The following IL20RA variants were observed in gnomAD, a reference collection of about 807,000 sequenced individuals.
IL20RA encodes the protein interleukin 20 receptor subunit alpha.
In IL20RA, 29 loss-of-function variants were observed where a neutral mutation model predicts 36.5. The ratio of observed to expected loss-of-function variants is 0.79; its 90% CI spans 0.59 to 1.08. IL20RA has a LOEUF of 1.08. IL20RA is among the 50% of genes least tolerant of loss of function. IL20RA has a pLI of 0.00. For missense variants in IL20RA, 652 were observed against 668.4 expected, an observed-to-expected ratio of 0.98 and a Z score of 0.27; for synonymous variants, 279 against 267.1, an observed-to-expected ratio of 1.04 and a Z score of -0.43.
intron 3 of IL20RA, among the ~76,000 whole-genome samples, chr6:137,010,736 G>C (rs1024590240): frequency 6.6e-6 from 1 of 152,198 alleles, no homozygotes; most frequent in Non-Finnish European, 1.5e-5. Flanking sequence ...AAGAAGCATA[G>C]TGGATAATCA....
chr6:137,006,205 C>T (rs567538174), intron 5 of IL20RA, among the ~76,000 whole-genome samples: 3 of 152,268 alleles, frequency 2.0e-5, no homozygotes, highest in Admixed American at 1.3e-4. Flanking sequence ...CAGTTGAAAG[C>T]GAAACAGATG....
rs916546344 is a variant in IL20RA, at chr6:137,033,355, G to A, written c.88+11286C>T. On this transcript the variant is annotated intron_variant, in intron 1 of 6. Coordinates refer to ENST00000316649, the MANE Select transcript of IL20RA (RefSeq NM_014432.4). ...ATGAAATCTTATATAGTTTGGATAT[G>A]TGTCCTTGCCCAAATCTCATGTTGA... Among the ~76,000 whole-genome samples, 6 of 152,318 alleles carry A rather than the reference G, an allele frequency of 3.9e-5. 1 individual carries two copies. The South Asian group carries it at 1.0e-3, about 26-fold the overall frequency.
In IL20RA at chr6:137,017,103, A is replaced by C. The variant is rs1402804178; in HGVS notation, c.89T>G (p.Val30Gly). 5 of 1,612,294 alleles carry C rather than the reference A, an allele frequency of 3.1e-6. 1 individual carries two copies. The South Asian group carries it at 5.5e-5, about 18-fold the overall frequency. ...LLLAAPWGRAVPCVSGGLPKP... is the reference protein window; with the variant it reads ...LLLAAPWGRAGPCVSGGLPKP... ...AGGCAAACCACCAGAGACACAGGGA[A>C]CTGAAAAAGGAGCAGAAAGGAATTG... is the stretch of plus-strand genomic sequence containing the variant. The change falls in exon 2 of 7, where the codon GTT (valine) becomes GGT (glycine). Residue 30 changes from valine (V) to glycine (G), a missense_variant and splice_region_variant. Coordinates refer to ENST00000316649, the MANE Select transcript of IL20RA (RefSeq NM_014432.4).
chr6:137,036,238 G>GA (rs1262472022), intron 1 of IL20RA, among the ~76,000 whole-genome samples: 1 of 152,186 alleles, frequency 6.6e-6, no homozygotes, highest in Non-Finnish European at 1.5e-5. Flanking sequence ...ATGTGGCTGA[G>GA]AAAACATTCT....
chr6:137,030,070 G>GATTTT (rs1776221303), intron 1 of IL20RA, among the ~76,000 whole-genome samples: 10 of 62,804 alleles, frequency 1.6e-4, no homozygotes, highest in Non-Finnish European at 2.4e-4. Flanking sequence ...CGGTTTGCGG[G>GATTTT]TTTTTTTTTT....
chr6:137,004,616 C>G lies in IL20RA; in HGVS notation c.864+5G>C. On this transcript the variant is annotated splice_donor_5th_base_variant and intron_variant, in intron 6 of 6. Coordinates refer to ENST00000316649, the MANE Select transcript of IL20RA (RefSeq NM_014432.4). ...ATAAAGAACCCTGCCACACCAAGTACTCACCAAATTTGCTGGGTGTTTCTC... is the reference window on the plus strand; with the variant it reads ...ATAAAGAACCCTGCCACACCAAGTAGTCACCAAATTTGCTGGGTGTTTCTC... 7 of 1,613,568 alleles carry G rather than the reference C, an allele frequency of 4.3e-6. No homozygotes were observed. Among genetic ancestry groups the G allele is most frequent in the Non-Finnish European group, 5.9e-6 (7 of 1,179,600 alleles).
chr6:137,010,539 G>A (rs1157708003), intron 3 of IL20RA, among the ~76,000 whole-genome samples: 3 of 152,166 alleles, frequency 2.0e-5, no homozygotes, highest in South Asian at 2.1e-4. Context: ...CCTCTGATCC[G>A]GAAGGGCTCC....
At chr6:137,029,472 A>T (rs929107979) in intron 1 of IL20RA, among the ~76,000 whole-genome samples, 1 of 152,228 alleles carries the variant, frequency 6.6e-6, no homozygotes, top group Non-Finnish European at 1.5e-5. Flanking sequence ...GCTCCACTGC[A>T]CTTCTGCCTG....
At chr6:137,044,331 G>T in intron 1 of IL20RA, 1 of 1,053,782 alleles carries the variant, frequency 9.5e-7, no homozygotes, top group Non-Finnish European at 1.1e-6. Flanking sequence ...TAGGCTGTGG[G>T]CACCGCGCAG....
Position 137,044,909 on chromosome 6 carries a change from C to G in IL20RA, c.-181G>C. 2.1e-6 allele frequency: 1 copy of G among 479,958 alleles called. No homozygotes were observed. Among genetic ancestry groups the G allele is most frequent in the Non-Finnish European group, 3.2e-6 (1 of 315,778 alleles). The allele number at this position is 479,958 out of a possible 1,614,324, so 29.7% of individuals were successfully genotyped here. A position where few individuals can be genotyped will look rare whatever the true frequency, so the allele number is the denominator to read the frequency against. ...GCGTCCCCCAGGCTTCCCCAGAAAC[C>G]AAGGGCGAGCGACTCGCGGAGCCCC... On this transcript the variant is annotated 5_prime_UTR_variant, in exon 1 of 7. Transcript: ENST00000316649.
Position 137,008,760 on chromosome 6 carries a change from CAA to C in IL20RA, c.580-19_580-18del, listed in dbSNP as rs1340692975. The C allele has an allele frequency of 6.4e-7, 1 of 1,554,418 alleles. No homozygotes were observed. The highest frequency in any genetic ancestry group is 8.7e-7 in the Non-Finnish European group (1 of 1,149,840). Reference sequence around the variant, plus strand: ...CTGGGACCACTAGGATAGGGAATTGCAAACATTGGTTAGAGCCAGACATTTCT... The same window carrying C: ...CTGGGACCACTAGGATAGGGAATTGCACATTGGTTAGAGCCAGACATTTCT... On this transcript the variant is annotated intron_variant, in intron 4 of 6. Coordinates refer to ENST00000316649, the MANE Select transcript of IL20RA (RefSeq NM_014432.4).
At chr6:137,029,052 A>G (rs896117412) in intron 1 of IL20RA, among the ~76,000 whole-genome samples, 3 of 152,340 alleles carry the variant, frequency 2.0e-5, no homozygotes, top group East Asian at 3.9e-4. Context: ...TGCAACTGAG[A>G]AAAGGGAGCT....
In IL20RA at chr6:137,009,349, C is replaced by G. The variant is rs143005532; in HGVS notation, c.547G>C (p.Val183Leu). Residue 183 changes from valine (V) to leucine (L), a missense_variant, in exon 4 of 7, where the codon GTG (valine) becomes CTG (leucine). Physicochemically the swap from Val to Leu is conservative, Grantham distance 32. Transcript: ENST00000316649. Reference sequence around the variant, plus strand: ...TTTGATTTAGTATTCAACACAGACACGTTATACTTCAGATTGGAGTATATT... The same window carrying G: ...TTTGATTTAGTATTCAACACAGACAGGTTATACTTCAGATTGGAGTATATT... The part of the protein sequence containing the change: ...QQIYSNLKYN[V>L]SVLNTKSNRT... 6.2e-7 allele frequency: 1 copy of G among 1,613,494 alleles called. No homozygotes were observed. The highest frequency in any genetic ancestry group is 2.2e-5 in the East Asian group (1 of 44,852).
At chr6:137,033,106 G>A (rs902085621) in intron 1 of IL20RA, among the ~76,000 whole-genome samples, 2 of 152,170 alleles carry the variant, frequency 1.3e-5, no homozygotes, top group Non-Finnish European at 2.9e-5. Flanking sequence ...CAGCTCTAAG[G>A]CTGGATGTCT....
chr6:137,008,549 A>G, intron 5 of IL20RA, 50 bp downstream of exon 5: 1 of 1,518,596 alleles, frequency 6.6e-7, no homozygotes, highest in Non-Finnish European at 8.9e-7. Flanking sequence ...ACCGACTTCT[A>G]GTTTTAGCAG....
intron 1 of IL20RA, among the ~76,000 whole-genome samples, chr6:137,027,174 G>A (rs370138244): frequency 2.0e-5 from 3 of 152,200 alleles, no homozygotes; most frequent in African/African-American, 7.2e-5. Context: ...GAGCCACCAC[G>A]CCTGGCTGAA....
At position 137,044,935 on chromosome 6, in the gene IL20RA, C is replaced by A. The variant is rs1312101327; in HGVS notation, c.-207G>T. 3 of 374,012 alleles carry A rather than the reference C, an allele frequency of 8.0e-6. No homozygotes were observed. Among genetic ancestry groups the A allele is most frequent in the East Asian group, 8.9e-5 (2 of 22,468 alleles). 23.2% of individuals were successfully genotyped at this position (374,012 alleles called of 1,614,324 possible). On this transcript the variant is annotated 5_prime_UTR_variant, in exon 1 of 7. Transcript: ENST00000316649. ...AAGGGCGAGCGACTCGCGGAGCCCC[C>A]ACGCGCGCTCCCCCGGCTACCCAGC... is the stretch of plus-strand genomic sequence containing the variant.
intron 1 of IL20RA, among the ~76,000 whole-genome samples, chr6:137,024,867 G>A (rs1776031248): frequency 6.6e-6 from 1 of 152,194 alleles, no homozygotes; most frequent in Non-Finnish European, 1.5e-5. Context: ...GCAGGAGACT[G>A]ATCTTTCCAG....
intron 6 of IL20RA, among the ~76,000 whole-genome samples, chr6:137,003,764 C>G (rs541038311): frequency 6.6e-6 from 1 of 152,278 alleles, no homozygotes; most frequent in Admixed American, 6.5e-5. Flanking sequence ...ACTGCCTACT[C>G]TCCAGTCTCA....
Sources: allele counts gnomAD v4.1 joint callset (sites outside exome capture counted in the v4.1 genomes callset), GRCh38; gene constraint gnomAD v4.1.1; transcripts MANE v1.5; gene names NCBI Gene and HGNC (gene_info 2026-07-23, HGNC 2026-07-21).